Variants in BCR observed in about 807,000 individuals in gnomAD.
BCR encodes the protein BCR activator of RhoGEF and GTPase.
Under a neutral mutation model 138.6 loss-of-function variants are expected in BCR, and 58 were observed. That is an observed-to-expected ratio of 0.42 (90% CI 0.34 to 0.52). The LOEUF (loss-of-function observed/expected upper bound fraction) is 0.52. BCR is among the 20% of genes least tolerant of loss of function. The pLI is 0.06. For synonymous variants in BCR, 786 were observed against 730.1 expected, an observed-to-expected ratio of 1.08 and a Z score of -1.23; for missense variants, 1,599 against 1,727.2, an observed-to-expected ratio of 0.93 and a Z score of 1.32.
chr22:23,225,922 A>C (rs2072886614), intron 1 of BCR, among the ~76,000 whole-genome samples: 1 of 152,136 alleles, frequency 6.6e-6, no homozygotes, highest in Admixed American at 6.5e-5. Context: ...TTATTTTTAC[A>C]CTGTTTGATT....
At chr22:23,302,852 C>T (rs1170368322) in intron 16 of BCR, 2 of 152,200 alleles carry the variant, frequency 1.3e-5, no homozygotes, top group African/African-American at 2.4e-5. Flanking sequence ...AGATTCCTTC[C>T]TGTCTAGCCA....
chr22:23,227,361 G>A (rs1486238224), intron 1 of BCR, among the ~76,000 whole-genome samples: 1 of 152,178 alleles, frequency 6.6e-6, no homozygotes, highest in African/African-American at 2.4e-5. Flanking sequence ...TCTTTTGTGT[G>A]AATTGCACAG....
At chr22:23,197,704 G>A (rs1334025241) in intron 1 of BCR, among the ~76,000 whole-genome samples, 1 of 151,208 alleles carries the variant, frequency 6.6e-6, no homozygotes, top group Non-Finnish European at 1.5e-5. Context: ...ACTGAAGGTT[G>A]TTAAGCTGGA....
At chr22:23,294,682 A>C (rs560405377) in intron 15 of BCR, among the ~76,000 whole-genome samples, 1 of 152,334 alleles carries the variant, frequency 6.6e-6, no homozygotes, top group East Asian at 1.9e-4. Flanking sequence ...TACAGGTGTG[A>C]GCCACCGTGC....
intron 10 of BCR, 79 bp from the exon 11 acceptor site, chr22:23,287,080 G>A: frequency 1.3e-6 from 2 of 1,548,592 alleles, no homozygotes; most frequent in Non-Finnish European, 1.7e-6. Context: ...AATGCAGCTG[G>A]TGGTGGGGAT....
chr22:23,244,208 G>T (rs2073129644), intron 1 of BCR, among the ~76,000 whole-genome samples: 1 of 152,220 alleles, frequency 6.6e-6, no homozygotes. Context: ...ACCCACACGT[G>T]TGTTGTCAGG....
chr22:23,255,623 G>T (rs2073285004), intron 2 of BCR, among the ~76,000 whole-genome samples: 1 of 152,126 alleles, frequency 6.6e-6, no homozygotes, highest in South Asian at 2.1e-4. Context: ...GCAGTTCCTG[G>T]CCCCGAAAGG....
At chr22:23,314,481 A>C in intron 21 of BCR, 71 bp from the exon 22 acceptor site, 1 of 1,563,676 alleles carries the variant, frequency 6.4e-7, no homozygotes, top group Non-Finnish European at 8.8e-7. Flanking sequence ...GAACTCCAGC[A>C]CAGCCCAGCC....
chr22:23,262,710 CGGGCCCGGGTGAG>C, intron 4 of BCR: 1 of 772,776 alleles, frequency 1.3e-6, no homozygotes, highest in Non-Finnish European at 1.6e-6. Context: ...CGGGTGAGGG[CGGGCCCGGGTGAG>C]GGCGGGGGCG....
At chr22:23,220,665 A>C (rs985835115) in intron 1 of BCR, among the ~76,000 whole-genome samples, 2 of 152,098 alleles carry the variant, frequency 1.3e-5, no homozygotes, top group African/African-American at 4.8e-5. Context: ...TCCTTGCAGC[A>C]TGCTTCTGGG....
chr22:23,181,452 C>T lies in BCR; in HGVS notation c.492C>T (p.Gly164=), dbSNP rs1238448813. The T allele has an allele frequency of 6.2e-7, 1 of 1,606,190 alleles. No homozygotes were observed. Among genetic ancestry groups the T allele is most frequent in the Admixed American group, 1.7e-5 (1 of 59,756 alleles). The part of the protein sequence containing the change: ...LRSNFERIRK[G]HGQPGADAEK... ...CCAACTTCGAGCGGATCCGCAAGGGCCATGGCCAGCCCGGGGCGGACGCCG... is the reference window on the plus strand; with the variant it reads ...CCAACTTCGAGCGGATCCGCAAGGGTCATGGCCAGCCCGGGGCGGACGCCG... The change falls in exon 1 of 23, where the codon GGC becomes GGT. Residue 164 remains glycine, a synonymous_variant. Coordinates refer to ENST00000305877, the MANE Select transcript of BCR (RefSeq NM_004327.4).
chr22:23,228,141 A>G (rs559779221), intron 1 of BCR, among the ~76,000 whole-genome samples: 1 of 152,002 alleles, frequency 6.6e-6, no homozygotes, highest in African/African-American at 2.4e-5. Flanking sequence ...GAAGTCTGTT[A>G]CTTCTTTTTG....
intron 1 of BCR, among the ~76,000 whole-genome samples, chr22:23,249,802 T>G (rs1042924718): frequency 3.9e-5 from 6 of 152,022 alleles, no homozygotes; most frequent in Non-Finnish European, 5.9e-5. Flanking sequence ...GTGATCTGGG[T>G]GAGCTGAGGC....
chr22:23,289,783 T>G, intron 13 of BCR, 162 bp downstream of exon 13: 1 of 656,430 alleles, frequency 1.5e-6, no homozygotes, highest in Non-Finnish European at 2.7e-6. Context: ...CTCCCAGGAG[T>G]GGACAAGGTG....
At chr22:23,209,885 C>G (rs1216057289) in intron 1 of BCR, among the ~76,000 whole-genome samples, 1 of 152,288 alleles carries the variant, frequency 6.6e-6, no homozygotes, top group Non-Finnish European at 1.5e-5. Context: ...CTGCCTTAGC[C>G]CCCTGAGTAA....
At chr22:23,189,428 T>A (rs2072387015) in intron 1 of BCR, among the ~76,000 whole-genome samples, 1 of 152,204 alleles carries the variant, frequency 6.6e-6, no homozygotes, top group South Asian at 2.1e-4. Flanking sequence ...ATTTGTCCTG[T>A]GTCTGGCTGA....
In BCR at chr22:23,287,965, G is replaced by T. The variant is rs1039719610; in HGVS notation, c.2527-132G>T. On this transcript the variant is annotated intron_variant, in intron 11 of 22. Transcript: ENST00000305877. ...AGTGCCGGAAGCGACATGCCAGGCC[G>T]TGAGCACACCTGGCCACTGGGCTCC... 8.9e-5 allele frequency: 74 copies of T among 830,414 alleles called. No homozygotes were observed. In the African/African-American group the frequency reaches 1.2e-3, roughly 13 times the overall value. 51.4% of individuals were successfully genotyped at this position (830,414 alleles called of 1,614,324 possible).
At position 23,289,600 on chromosome 22, in the gene BCR, C is replaced by A. The variant is rs2073759760; in HGVS notation, c.2686C>A (p.Pro896Thr). The change falls in exon 13 of 23, where the codon CCG becomes ACG. Residue 896 changes from proline to threonine, a missense_variant. Coordinates refer to ENST00000305877, the MANE Select transcript of BCR (RefSeq NM_004327.4). Reference protein sequence around the residue: ...CVKLQTVHSIPLTINKEDDES... With the variant: ...CVKLQTVHSITLTINKEDDES... Reference sequence around the variant, plus strand: ...GAAACTCCAGACTGTCCACAGCATTCCGCTGACCATCAATAAGGAAGGTGG... The same window carrying A: ...GAAACTCCAGACTGTCCACAGCATTACGCTGACCATCAATAAGGAAGGTGG... 6.2e-7 allele frequency: 1 copy of A among 1,612,498 alleles called. No homozygotes were observed. Among genetic ancestry groups the A allele is most frequent in the Non-Finnish European group, 8.5e-7 (1 of 1,179,782 alleles).
intron 4 of BCR, chr22:23,264,126 CACA>C: frequency 6.6e-7 from 1 of 1,521,546 alleles, no homozygotes; most frequent in South Asian, 1.1e-5. Context: ...GGAGGAGCCC[CACA>C]ACAGCACCCT....
Sources: gnomAD v4.1 joint callset for allele counts (sites outside exome capture counted in the v4.1 genomes callset) on GRCh38, gnomAD v4.1.1 for gene constraint, MANE v1.5 for transcripts, NCBI Gene and HGNC (gene_info 2026-07-23, HGNC 2026-07-21) for gene names.